VCL: variants seen among roughly 807,000 people sequenced by gnomAD.
VCL encodes the protein epididymis luminal protein 114.
In VCL, 47 loss-of-function variants were observed where a neutral mutation model predicts 125.7. That is an observed-to-expected ratio of 0.37 (90% confidence interval 0.30 to 0.48). The LOEUF (loss-of-function observed/expected upper bound fraction) is 0.48, where lower values mean the gene tolerates loss of function less well. VCL is among the 20% of genes least tolerant of loss of function. VCL has a pLI of 0.99. For synonymous variants in VCL, 458 were observed against 514.6 expected (o/e 0.89, Z 1.49); for missense variants, 1,069 against 1,455.5 (o/e 0.73, Z 4.32).
intron 18 of VCL, among the ~76,000 whole-genome samples, chr10:74,110,363 C>T (rs1019515345): frequency 2.6e-5 from 4 of 152,094 alleles, no homozygotes; most frequent in Non-Finnish European, 5.9e-5. Flanking sequence ...CATTACTTGC[C>T]CCACTCTGCC....
In VCL at chr10:74,034,426, A is replaced by G. The variant is rs114276999; in HGVS notation, c.169-8657A>G. Among the ~76,000 whole-genome samples the G allele has an allele frequency of 4.9e-3, 753 of 152,226 alleles. 8 individuals are homozygous for G. The highest frequency in any genetic ancestry group is 0.017 in the African/African-American group (717 of 41,526). On this transcript the variant is annotated intron_variant, in intron 1 of 21. Coordinates refer to ENST00000211998, the MANE Select transcript of VCL (RefSeq NM_014000.3). ...CCTCCTTTTTACCTTGAATTCCATT[A>G]CTTCTGGAGAACTCTTATTCTGCCT...
chr10:74,102,356 C>T (rs966364428), intron 14 of VCL, among the ~76,000 whole-genome samples: 1 of 151,632 alleles, frequency 6.6e-6, no homozygotes. Flanking sequence ...CCAAACTGTA[C>T]AGTTATTAAA....
chr10:74,077,889 T>A (rs1839616990), intron 6 of VCL: 1 of 269,840 alleles, frequency 3.7e-6, no homozygotes, highest in East Asian at 1.0e-4. Context: ...AACTTTGACT[T>A]TAAACACTTC....
Position 74,094,562 on chromosome 10 carries a change from C to A in VCL, c.1543+101C>A, listed in dbSNP as rs949196226. ...TAACATCTGTAATTAGGTAAGGGTT[C>A]TTTAGCTGCTGATAAGTAACTGTGA... is the stretch of plus-strand genomic sequence containing the variant. On this transcript the variant is annotated intron_variant, in intron 11 of 21. Transcript: ENST00000211998. 156 of 1,361,676 alleles carry A rather than the reference C, an allele frequency of 1.1e-4. No homozygotes were observed. In the African/African-American group the frequency reaches 1.9e-3, roughly 16 times the overall value. 84.3% of individuals were successfully genotyped at this position (1,361,676 alleles called of 1,614,324 possible).
rs192574953 is a variant in VCL, at chr10:74,106,517, G to A, written c.2435-713G>A. On this transcript the variant is annotated intron_variant, in intron 16 of 21. Coordinates refer to ENST00000211998, the MANE Select transcript of VCL (RefSeq NM_014000.3). Reference sequence around the variant, plus strand: ...ACTACCATGGCAGATCATAATTGGAGCCGCTCCTTTGGTTGAAATCATCTG... The same window carrying A: ...ACTACCATGGCAGATCATAATTGGAACCGCTCCTTTGGTTGAAATCATCTG... Among the ~76,000 whole-genome samples the A allele has an allele frequency of 2.6e-5, 4 of 152,238 alleles. No individual in the cohort carries two copies. In the East Asian group the frequency reaches 7.7e-4, roughly 29 times the overall value.
chr10:74,019,837 C>G (rs543059539), intron 1 of VCL, among the ~76,000 whole-genome samples: 1 of 152,074 alleles, frequency 6.6e-6, no homozygotes, highest in Admixed American at 6.6e-5. Flanking sequence ...TTGAGATGGT[C>G]AGATCACCTG....
rs764616052 is a variant in VCL, at chr10:74,114,439, G to GTGCA, written c.3153+54_3153+55insCATG. ...TGTGTGTGTGTGTGTGTGTGTGTGC[G>GTGCA]TGTGTGTGTGTGTTGGAGGGGAGGG... On this transcript the variant is annotated intron_variant, in intron 20 of 21. Coordinates refer to ENST00000211998, the MANE Select transcript of VCL (RefSeq NM_014000.3). The GTGCA allele has an allele frequency of 7.8e-3, 9,425 of 1,204,230 alleles. 15 individuals carry two copies. Among genetic ancestry groups the GTGCA allele is most frequent in the Non-Finnish European group, 8.8e-3 (8,044 of 916,078 alleles). 74.6% of individuals were successfully genotyped at this position (1,204,230 alleles called of 1,614,324 possible). A position where few individuals can be genotyped will look rare whatever the true frequency, so the allele number is the denominator to read the frequency against.
At chr10:74,034,784 G>A (rs1038736354) in intron 1 of VCL, among the ~76,000 whole-genome samples, 3 of 152,214 alleles carry the variant, frequency 2.0e-5, no homozygotes, top group African/African-American at 4.8e-5. Flanking sequence ...AAGGATATCA[G>A]TGAGGGGTGG....
At chr10:74,117,561 G>A (rs1840330155) in intron 21 of VCL, among the ~76,000 whole-genome samples, 1 of 152,186 alleles carries the variant, frequency 6.6e-6, no homozygotes, top group South Asian at 2.1e-4. Context: ...GGCTGAGGCA[G>A]GAGGATCCTT....
At chr10:74,002,796 C>T (rs948188409) in intron 1 of VCL, among the ~76,000 whole-genome samples, 4 of 150,226 alleles carry the variant, frequency 2.7e-5, no homozygotes, top group Admixed American at 6.6e-5. Context: ...GCGGGAGAAT[C>T]GCTTGAATCC....
chr10:74,010,802 C>T (rs568203749), intron 1 of VCL, among the ~76,000 whole-genome samples: 236 of 152,300 alleles, frequency 1.5e-3, no homozygotes, highest in African/African-American at 5.3e-3. Flanking sequence ...ACTGCTGCTT[C>T]AGAAAATATG....
intron 1 of VCL, among the ~76,000 whole-genome samples, chr10:74,029,613 G>C (rs942932024): frequency 3.3e-5 from 5 of 152,198 alleles, no homozygotes; most frequent in Non-Finnish European, 7.3e-5. Context: ...AGGAAACTAT[G>C]TGGCATCAGA....
chr10:74,015,456 A>T (rs2136229581), intron 1 of VCL, among the ~76,000 whole-genome samples: 1 of 152,192 alleles, frequency 6.6e-6, no homozygotes, highest in East Asian at 1.9e-4. Flanking sequence ...CGGGAGACTG[A>T]GGCAGGAGAA....
chr10:74,026,265 G>A (rs566901046), intron 1 of VCL, among the ~76,000 whole-genome samples: 13 of 152,312 alleles, frequency 8.5e-5, no homozygotes, highest in South Asian at 8.3e-4. Flanking sequence ...TCTGCAGCTC[G>A]ATTTTTCAGG....
chr10:74,030,870 G>T (rs905944739), intron 1 of VCL, among the ~76,000 whole-genome samples: 3 of 152,122 alleles, frequency 2.0e-5, no homozygotes, highest in African/African-American at 7.2e-5. Context: ...CATCGCCAAG[G>T]TCTGATTTTT....
At chr10:74,043,188 G>T in intron 2 of VCL, 35 bp downstream of exon 2, 1 of 1,565,446 alleles carries the variant, frequency 6.4e-7, no homozygotes, top group South Asian at 1.1e-5. Flanking sequence ...TTGCTAAGCA[G>T]AATAATACTC....
At position 74,119,720 on chromosome 10, in the gene VCL, T is replaced by C. The variant is rs1212122547; in HGVS notation, c.*1551T>C. ...ATCGAATGTGTACAACTTAAGTTGGTCCTTTACACTCAGGCTTTCACTATT... is the reference window on the plus strand; with the variant it reads ...ATCGAATGTGTACAACTTAAGTTGGCCCTTTACACTCAGGCTTTCACTATT... On this transcript the variant is annotated 3_prime_UTR_variant, in exon 22 of 22. Transcript: ENST00000211998. The C allele has an allele frequency of 2.6e-5, 4 of 152,452 alleles. No homozygotes were observed. The highest frequency in any genetic ancestry group is 5.9e-5 in the Non-Finnish European group (4 of 67,956). 9.4% of individuals were successfully genotyped at this position (152,452 alleles called of 1,614,324 possible). A position where few individuals can be genotyped will look rare whatever the true frequency, so the allele number is the denominator to read the frequency against.
At chr10:74,022,804 AT>A (rs568964943) in intron 1 of VCL, among the ~76,000 whole-genome samples, 218 of 150,864 alleles carry the variant, frequency 1.4e-3, no homozygotes, top group African/African-American at 4.9e-3. Context: ...ACCCGGCTAA[AT>A]TTTTTTTGTA....
intron 14 of VCL, 136 bp downstream of exon 14, chr10:74,101,233 T>G: frequency 7.8e-7 from 1 of 1,283,414 alleles, no homozygotes; most frequent in Non-Finnish European, 1.1e-6. Flanking sequence ...CACCTATAAT[T>G]CCGGCACTTT....
Sources: gnomAD v4.1 joint callset for allele counts (sites outside exome capture counted in the v4.1 genomes callset) on GRCh38, gnomAD v4.1.1 for gene constraint, MANE v1.5 for transcripts, NCBI Gene and HGNC (gene_info 2026-07-23, HGNC 2026-07-21) for gene names.